CDH12: variants seen among roughly 807,000 people sequenced by gnomAD.
CDH12 encodes the protein cadherin-12.
A neutral mutation model predicts 74.1 loss-of-function variants in CDH12; 41 were observed. The observed-to-expected ratio is 0.55, with a 90% CI of 0.43 to 0.72. The LOEUF (loss-of-function observed/expected upper bound fraction) is 0.72, where lower values mean the gene tolerates loss of function less well. CDH12 is among the 30% of genes least tolerant of loss of function. The pLI is 0.00. For missense variants in CDH12, 945 were observed against 977.2 expected (o/e 0.97, Z 0.44); for synonymous variants, 399 against 355.0 (o/e 1.12, Z -1.39).
chr5:21,765,153 CT>C, intron 11 of CDH12, 54 bp from the exon 12 acceptor site: 1 of 1,365,428 alleles, frequency 7.3e-7, no homozygotes, highest in Non-Finnish European at 9.8e-7. Context: ...TCAGTTATTG[CT>C]TCTACAATAA....
intron 5 of CDH12, among the ~76,000 whole-genome samples, chr5:22,020,470 C>T (rs1475125794): frequency 6.6e-6 from 1 of 151,658 alleles, no homozygotes; most frequent in South Asian, 2.1e-4. Context: ...AGGGGAATCG[C>T]TTGAACCCAG....
intron 1 of CDH12, among the ~76,000 whole-genome samples, chr5:22,595,637 C>G (rs1736565932): frequency 6.6e-6 from 1 of 152,148 alleles, no homozygotes; most frequent in Non-Finnish European, 1.5e-5. Flanking sequence ...TAACCCAACA[C>G]CTAACACATA....
At chr5:22,689,516 C>T (rs373482762) in intron 1 of CDH12, among the ~76,000 whole-genome samples, 1 of 152,054 alleles carries the variant, frequency 6.6e-6, no homozygotes. Flanking sequence ...TTGGAAGATC[C>T]TTCCCCACAG....
chr5:22,001,231 C>T (rs1736583059), intron 5 of CDH12, among the ~76,000 whole-genome samples: 1 of 152,100 alleles, frequency 6.6e-6, no homozygotes, highest in African/African-American at 2.4e-5. Context: ...AGTTTCTTAG[C>T]CTTTTGGGAT....
intron 6 of CDH12, among the ~76,000 whole-genome samples, chr5:21,871,419 G>C (rs185437985): frequency 6.6e-6 from 1 of 152,216 alleles, no homozygotes; most frequent in East Asian, 1.9e-4. Flanking sequence ...ACGTAGTACT[G>C]CTATTCTAGG....
At chr5:22,480,398 C>T (rs1452396843) in intron 2 of CDH12, among the ~76,000 whole-genome samples, 3 of 151,716 alleles carry the variant, frequency 2.0e-5, no homozygotes, top group Non-Finnish European at 1.5e-5. Flanking sequence ...TCCTGGGAAA[C>T]ATGGTGAAAC....
At chr5:22,376,636 C>T (rs1169608254) in intron 3 of CDH12, among the ~76,000 whole-genome samples, 2 of 151,238 alleles carry the variant, frequency 1.3e-5, no homozygotes, top group Non-Finnish European at 1.5e-5. Context: ...CCCACCTCAG[C>T]CTTATGAATA....
intron 1 of CDH12, among the ~76,000 whole-genome samples, chr5:22,808,788 T>A (rs1474080572): frequency 1.2e-5 from 1 of 85,110 alleles, no homozygotes; most frequent in African/African-American, 3.9e-5. Context: ...TTTTTTTTTT[T>A]AGTAGAGGTG....
intron 11 of CDH12, among the ~76,000 whole-genome samples, chr5:21,782,849 T>C (rs1364537029): frequency 6.6e-6 from 1 of 152,068 alleles, no homozygotes; most frequent in African/African-American, 2.4e-5. Context: ...TTTGAGCCAC[T>C]CCTTGAAGAA....
intron 3 of CDH12, among the ~76,000 whole-genome samples, chr5:22,392,060 G>A (rs879603282): frequency 6.6e-6 from 1 of 152,138 alleles, no homozygotes; most frequent in South Asian, 2.1e-4. Context: ...TTTTCATATA[G>A]AGGGATATTT....
intron 1 of CDH12, among the ~76,000 whole-genome samples, chr5:22,838,902 T>C (rs1315933889): frequency 6.6e-6 from 1 of 151,970 alleles, no homozygotes; most frequent in Non-Finnish European, 1.5e-5. Context: ...GGTCTTGAAC[T>C]CTTGGCTCAT....
chr5:22,288,542 T>TATA (rs1310640147), intron 3 of CDH12, among the ~76,000 whole-genome samples: 11 of 152,204 alleles, frequency 7.2e-5, no homozygotes, highest in Admixed American at 1.3e-4. Flanking sequence ...AAGTTAGCAA[T>TATA]GACAGATCTA....
At chr5:22,825,929 T>A (rs1003841401) in intron 1 of CDH12, among the ~76,000 whole-genome samples, 1 of 152,118 alleles carries the variant, frequency 6.6e-6, no homozygotes, top group African/African-American at 2.4e-5. Flanking sequence ...GCATATATAT[T>A]TTAGGACACA....
At chr5:22,028,713 TC>T (rs1738574757) in intron 5 of CDH12, among the ~76,000 whole-genome samples, 1 of 152,128 alleles carries the variant, frequency 6.6e-6, no homozygotes, top group South Asian at 2.1e-4. Flanking sequence ...TTCAATGCCA[TC>T]CCCATCAAGC....
intron 2 of CDH12, among the ~76,000 whole-genome samples, chr5:22,445,931 C>T (rs149008868): frequency 3.0e-4 from 45 of 152,190 alleles, no homozygotes; most frequent in Middle Eastern, 3.4e-3. Flanking sequence ...AATATTTAAG[C>T]CTCTTGGCAT....
chr5:22,195,129 T>A (rs1189002693), intron 4 of CDH12, among the ~76,000 whole-genome samples: 1 of 152,234 alleles, frequency 6.6e-6, no homozygotes, highest in Admixed American at 6.5e-5. Flanking sequence ...AGAGGCTTTT[T>A]AAACTTGAAA....
chr5:22,089,918 A>G (rs1028781340), intron 4 of CDH12, among the ~76,000 whole-genome samples: 1 of 152,100 alleles, frequency 6.6e-6, no homozygotes, highest in Non-Finnish European at 1.5e-5. Context: ...AGCAGTGAGC[A>G]TAAGGAGATT....
chr5:22,609,125 A>T (rs907539655), intron 1 of CDH12, among the ~76,000 whole-genome samples: 1 of 152,128 alleles, frequency 6.6e-6, no homozygotes, highest in African/African-American at 2.4e-5. Flanking sequence ...GAATGCATCC[A>T]TCTACCCTTT....
At chr5:21,871,044 A>G (rs1047684997) in intron 6 of CDH12, among the ~76,000 whole-genome samples, 13 of 152,210 alleles carry the variant, frequency 8.5e-5, no homozygotes, top group African/African-American at 3.1e-4. Flanking sequence ...AAGAATGACT[A>G]ACAACACCAA....
Sources: allele counts gnomAD v4.1 joint callset (sites outside exome capture counted in the v4.1 genomes callset), GRCh38; gene constraint gnomAD v4.1.1; transcripts MANE v1.5; gene names NCBI Gene and HGNC (gene_info 2026-07-23, HGNC 2026-07-21).